Variants in DNAJC13 observed in about 807,000 individuals in gnomAD.
DNAJC13 encodes DnaJ heat shock protein family (Hsp40) member C13.
In DNAJC13, 75 loss-of-function variants were observed where a neutral mutation model predicts 290.5. The observed-to-expected ratio is 0.26, with a 90% CI of 0.21 to 0.31. The LOEUF (loss-of-function observed/expected upper bound fraction) is 0.31, where lower values mean the gene tolerates loss of function less well. Among genes scored for constraint, DNAJC13 ranks in the 10% least tolerant of loss-of-function variants. DNAJC13 has a pLI of 1.00. For missense variants in DNAJC13, 2,260 were observed against 2,674.5 expected (o/e 0.85, Z 3.42); for synonymous variants, 862 against 892.0 (o/e 0.97, Z 0.60).
intron 54 of DNAJC13, among the ~76,000 whole-genome samples, chr3:132,529,731 A>G (rs1264048700): frequency 3.3e-5 from 5 of 151,366 alleles, no homozygotes; most frequent in Non-Finnish European, 4.4e-5. Flanking sequence ...AGCTTGCAGT[A>G]AGCCGAGATA....
chr3:132,526,073 GT>G (rs1418197870), intron 52 of DNAJC13, 67 bp from the exon 53 acceptor site: 1 of 1,550,170 alleles, frequency 6.5e-7, no homozygotes, highest in Non-Finnish European at 8.7e-7. Flanking sequence ...TACTTATTTT[GT>G]TATGGTATTT....
Position 132,462,611 on chromosome 3 carries a change from T to C in DNAJC13, c.1770+88T>C, listed in dbSNP as rs916695074. ...TTGACAATATTGCCTTTCAGTCTTT[T>C]TGGGAAATAAACATTTCTCTGGGTA... On this transcript the variant is annotated intron_variant, in intron 16 of 55. Coordinates refer to ENST00000260818, the MANE Select transcript of DNAJC13 (RefSeq NM_015268.4). 1.1e-5 allele frequency: 10 copies of C among 922,848 alleles called. No homozygotes were observed. In the South Asian group the frequency reaches 1.7e-4, roughly 16 times the overall value. The allele number at this position is 922,848 out of a possible 1,614,324, so 57.2% of individuals were successfully genotyped here.
Position 132,502,471 on chromosome 3 carries a change from A to G in DNAJC13, c.4716+3A>G, listed in dbSNP as rs1353029510. ...AAAGTGAAGAAACAAACCAGCAGGT[A>G]ACTTTAACATTGCTTTAATATTGAA... On this transcript the variant is annotated splice_donor_region_variant and intron_variant, in intron 40 of 55. Transcript: ENST00000260818. 1 of 1,603,044 alleles carries G rather than the reference A, an allele frequency of 6.2e-7. No individual in the cohort carries two copies.
chr3:132,512,029 T>C (rs1397189830), intron 44 of DNAJC13, among the ~76,000 whole-genome samples: 2 of 152,188 alleles, frequency 1.3e-5, no homozygotes, highest in South Asian at 2.1e-4. Flanking sequence ...ATTTACAAGA[T>C]GTACATTGGG....
At chr3:132,457,530 G>A (rs1026354950) in intron 13 of DNAJC13, 162 bp downstream of exon 13, 78 of 583,716 alleles carry the variant, frequency 1.3e-4, no homozygotes, top group Non-Finnish European at 1.9e-4. Flanking sequence ...CTAAATACCA[G>A]GCAATGTGCT....
chr3:132,427,640 C>CTT (rs1322696170), intron 1 of DNAJC13, among the ~76,000 whole-genome samples: 1 of 151,994 alleles, frequency 6.6e-6, no homozygotes, highest in Non-Finnish European at 1.5e-5. Flanking sequence ...GGTGAACATT[C>CTT]TAGGTGATAT....
chr3:132,457,261 T>A lies in DNAJC13; in HGVS notation c.1350-8T>A. On this transcript the variant is annotated splice_region_variant and splice_polypyrimidine_tract_variant and intron_variant, in intron 12 of 55. Coordinates refer to ENST00000260818, the MANE Select transcript of DNAJC13 (RefSeq NM_015268.4). ...TTGCTAGTATATGCTTGTTTTTTGTTCCAAAAGGTTTCGCGAGCGTCTAGG... is the reference window on the plus strand; with the variant it reads ...TTGCTAGTATATGCTTGTTTTTTGTACCAAAAGGTTTCGCGAGCGTCTAGG... The A allele has an allele frequency of 6.3e-7, 1 of 1,594,290 alleles. No homozygotes were observed. The highest frequency in any genetic ancestry group is 1.4e-5 in the African/African-American group (1 of 73,730).
chr3:132,515,118 A>C (rs913223410), intron 46 of DNAJC13, among the ~76,000 whole-genome samples: 7 of 152,146 alleles, frequency 4.6e-5, no homozygotes, highest in African/African-American at 1.4e-4. Context: ...AAATATATCA[A>C]CCTTATTTCC....
At chr3:132,454,004 A>C in intron 8 of DNAJC13, 62 bp from the exon 9 acceptor site, 2 of 1,245,626 alleles carry the variant, frequency 1.6e-6, no homozygotes, top group Non-Finnish European at 2.3e-6. Flanking sequence ...TGCATTTTAT[A>C]ATGAAATACT....
chr3:132,421,929 G>GTT (rs1443148218), intron 1 of DNAJC13, among the ~76,000 whole-genome samples: 2 of 152,152 alleles, frequency 1.3e-5, no homozygotes, highest in Non-Finnish European at 2.9e-5. Context: ...TACTTGGTGA[G>GTT]TTATATATAA....
At chr3:132,498,990 AC>A in intron 36 of DNAJC13, 135 bp from the exon 37 acceptor site, 1 of 725,414 alleles carries the variant, frequency 1.4e-6, no homozygotes, top group South Asian at 2.0e-5. Context: ...TGCTGGGATT[AC>A]AGGCATGAGC....
At position 132,460,288 on chromosome 3, in the gene DNAJC13, G is replaced by C; in HGVS notation, c.1488G>C (p.Leu496Phe). Residue 496 changes from leucine (L) to phenylalanine (F), a missense_variant, in exon 14 of 56, where the codon TTG (leucine) becomes TTC (phenylalanine). Transcript: ENST00000260818. ...ACTATGACTTAAGACAAGAACAGTT[G>C]AACAAAGCTTCTCTTCTCTCGTCAA... Reference protein sequence around the residue: ...HDDYDLRQEQLNKASLLSSKK... With the variant: ...HDDYDLRQEQFNKASLLSSKK... 8.7e-6 allele frequency: 14 copies of C among 1,610,560 alleles called. No homozygotes were observed. The highest frequency in any genetic ancestry group is 1.2e-5 in the Non-Finnish European group (14 of 1,178,088).
At chr3:132,422,351 A>G (rs1938985283) in intron 1 of DNAJC13, among the ~76,000 whole-genome samples, 1 of 152,042 alleles carries the variant, frequency 6.6e-6, no homozygotes, top group Non-Finnish European at 1.5e-5. Flanking sequence ...TGGACACTTG[A>G]AAGTCGTATG....
Position 132,482,254 on chromosome 3 carries a change from T to C in DNAJC13, c.2903T>C (p.Met968Thr), listed in dbSNP as rs1934701794. ...QSNVIEAAPD[M>T]KRESEKEWYF... ...AATGTAATTGAAGCTGCTCCAGATA[T>C]GAAAAGAGAGAGTGAAAAGGAATGG... The change falls in exon 27 of 56, where the codon ATG becomes ACG. Residue 968 changes from methionine to threonine, a missense_variant. By Grantham distance (81) the Met-to-Thr change is moderately conservative. This residue lies in a region of DNAJC13 where 1,494 missense variants were observed against 1,693.7 expected (regional missense o/e 0.88). Transcript: ENST00000260818. 8 of 1,613,510 alleles carry C rather than the reference T, an allele frequency of 5.0e-6. No homozygotes were observed. The highest frequency in any genetic ancestry group is 1.7e-5 in the Admixed American group (1 of 59,986).
intron 20 of DNAJC13, 176 bp downstream of exon 20, chr3:132,467,489 A>G (rs1257327755): frequency 1.3e-5 from 8 of 596,682 alleles, no homozygotes; most frequent in Non-Finnish European, 2.1e-5. Flanking sequence ...ATTTTGAGAC[A>G]GAGCCTTGCT....
chr3:132,447,296 C>A, intron 3 of DNAJC13, 25 bp from the exon 4 acceptor site: 1 of 1,503,200 alleles, frequency 6.7e-7, no homozygotes, highest in Non-Finnish European at 8.8e-7. Flanking sequence ...ATAGTAGCAC[C>A]AGTCAAAATT....
At chr3:132,461,851 C>T (rs184503365) in intron 15 of DNAJC13, among the ~76,000 whole-genome samples, 6 of 152,122 alleles carry the variant, frequency 3.9e-5, no homozygotes, top group African/African-American at 1.2e-4. Context: ...CTACCAAACC[C>T]GGCTAATTTA....
chr3:132,459,041 AC>A (rs1933707982), intron 13 of DNAJC13, among the ~76,000 whole-genome samples: 1 of 152,180 alleles, frequency 6.6e-6, no homozygotes, highest in South Asian at 2.1e-4. Flanking sequence ...TGTTTCAGGT[AC>A]TATTCTATGA....
Position 132,523,726 on chromosome 3 carries a change from C to CAAAAGCA in DNAJC13, c.6060+17_6060+23dup. On this transcript the variant is annotated intron_variant, in intron 51 of 55. Transcript: ENST00000260818. ...GAACAATCCTCATGTAAGCTTCAGTCAAAAGCAAAACATTTCAAAGACTTG... is the reference window on the plus strand; with the variant it reads ...GAACAATCCTCATGTAAGCTTCAGTCAAAAGCAAAAAGCAAAACATTTCAAAGACTTG... The CAAAAGCA allele has an allele frequency of 6.2e-7, 1 of 1,607,434 alleles. No individual in the cohort carries two copies. The highest frequency in any genetic ancestry group is 8.5e-7 in the Non-Finnish European group (1 of 1,177,392).
Sources: allele counts gnomAD v4.1 joint callset (sites outside exome capture counted in the v4.1 genomes callset), GRCh38; gene constraint gnomAD v4.1.1; regional missense constraint gnomAD v4.1.1; transcripts MANE v1.5; gene names NCBI Gene and HGNC (gene_info 2026-07-23, HGNC 2026-07-21).